Variants in SEC16A observed in about 807,000 individuals in gnomAD.
The protein encoded by SEC16A is SEC16 homolog A, endoplasmic reticulum export factor.
Under a neutral mutation model 221.9 loss-of-function variants are expected in SEC16A, and 110 were observed. The ratio of observed to expected loss-of-function variants is 0.50; its 90% CI spans 0.42 to 0.58. The LOEUF (loss-of-function observed/expected upper bound fraction) is 0.58, where lower values mean the gene tolerates loss of function less well. SEC16A is among the 20% of genes least tolerant of loss of function. The probability of loss-of-function intolerance (pLI) is 0.00; values close to 1 mark genes in which losing one functional copy is unlikely to be tolerated. For synonymous variants in SEC16A, 1,393 were observed against 1,257.7 expected, an observed-to-expected ratio of 1.11 and a Z score of -2.28; for missense variants, 3,165 against 3,097.8, an observed-to-expected ratio of 1.02 and a Z score of -0.52.
Position 136,472,056 on chromosome 9 carries a change from G to A in SEC16A, c.3623C>T (p.Ala1208Val). The A allele has an allele frequency of 6.2e-7, 1 of 1,613,548 alleles. No individual in the cohort carries two copies. Among genetic ancestry groups the A allele is most frequent in the East Asian group, 2.2e-5 (1 of 44,880 alleles). ...RYRPYDGAAS[A>V]YAQNYRYPEP... is the part of the protein sequence containing the mutation. ...GGGATAGCGGTAGTTCTGGGCGTAAGCAGACGCAGCACCATCATAGGGCCT... is the reference window on the plus strand; with the variant it reads ...GGGATAGCGGTAGTTCTGGGCGTAAACAGACGCAGCACCATCATAGGGCCT... The change falls in exon 4 of 32, where the codon GCT becomes GTT. Residue 1208 changes from alanine (A) to valine (V), a missense_variant. Physicochemically the swap from Ala to Val is moderately conservative, Grantham distance 64. This residue lies in a region of SEC16A where 2,030 missense variants were observed against 1,923.1 expected (regional missense o/e 1.06). Coordinates refer to ENST00000684901, the MANE Select transcript of SEC16A (RefSeq NM_014866.2).
chr9:136,478,354 G>A (rs1456125648), intron 2 of SEC16A, among the ~76,000 whole-genome samples: 2 of 141,836 alleles, frequency 1.4e-5, no homozygotes, highest in African/African-American at 5.3e-5. Context: ...CGTGAGCTAT[G>A]ACAGCACCAC....
chr9:136,480,537 G>C (rs1472238110), intron 1 of SEC16A, among the ~76,000 whole-genome samples: 1 of 152,164 alleles, frequency 6.6e-6, no homozygotes, highest in African/African-American at 2.4e-5. Flanking sequence ...AAAAAACCCG[G>C]GTTTAATCTT....
In SEC16A at chr9:136,447,675, T is replaced by A. The variant is rs752806806; in HGVS notation, c.6453A>T (p.Lys2151Asn). Reference sequence around the variant, plus strand: ...TCGAGGTTGGAGGTGGGGGCGGGGCTTTCTTCTGCAGAGGGAAACACAGCT... The same window carrying A: ...TCGAGGTTGGAGGTGGGGGCGGGGCATTCTTCTGCAGAGGGAAACACAGCT... ...VNLNEPEEEK[K>N]APPPPPTSMP... Residue 2151 changes from lysine to asparagine, a missense_variant, in exon 26 of 32, where the codon AAA becomes AAT. Transcript: ENST00000684901. This position sits in a 1 kb window ranked among gnomAD's most constrained non-coding sequence, Gnocchi z 5.5. 1.2e-6 allele frequency: 2 copies of A among 1,605,822 alleles called. No homozygotes were observed. The highest frequency in any genetic ancestry group is 4.5e-5 in the East Asian group (2 of 44,682).
intron 22 of SEC16A, among the ~76,000 whole-genome samples, chr9:136,452,185 A>G (rs1837908800): frequency 1.3e-5 from 2 of 152,134 alleles, no homozygotes; most frequent in African/African-American, 4.8e-5. Flanking sequence ...GGGGTGGCTC[A>G]TGCCTGTAAT....
chr9:136,477,436 C>G lies in SEC16A; in HGVS notation c.180G>C (p.Gln60His). 6.8e-6 allele frequency: 11 copies of G among 1,614,022 alleles called. No individual in the cohort carries two copies. The highest frequency in any genetic ancestry group is 8.5e-6 in the Non-Finnish European group (10 of 1,179,894). Residue 60 changes from glutamine to histidine, a missense_variant, in exon 3 of 32, where the codon CAG becomes CAC. By Grantham distance (24) the Gln-to-His change is conservative. Transcript: ENST00000684901. ...PVTDPFAFSRQALQSTPLGSS... is the reference protein window; with the variant it reads ...PVTDPFAFSRHALQSTPLGSS... ...TGCCCAGTGGTGTACTTTGGAGCGC[C>G]TGTCTACTAAAAGCAAATGGATCCG...
rs1488370825 is a variant in SEC16A at position 136,476,528 on chromosome 9, T to G, written c.1088A>C (p.Glu363Ala). 6 of 1,612,654 alleles carry G rather than the reference T, an allele frequency of 3.7e-6. No homozygotes were observed. Among genetic ancestry groups the G allele is most frequent in the South Asian group, 3.3e-5 (3 of 91,052 alleles). Reference protein sequence around the residue: ...AGAGSGCAPLEADSGASGALA... With the variant: ...AGAGSGCAPLAADSGASGALA... ...AGCTCCTGAAGCTCCTGAGTCTGCT[T>G]CTAGCGGGGCACAGCCAGACCCGGC... The change falls in exon 3 of 32, where the codon GAA becomes GCA. Residue 363 changes from glutamate (E) to alanine (A), a missense_variant. Glu to Ala is a moderately radical substitution (Grantham distance 107). Coordinates refer to ENST00000684901, the MANE Select transcript of SEC16A (RefSeq NM_014866.2).
At chr9:136,482,750 C>G (rs1013554079) in intron 1 of SEC16A, among the ~76,000 whole-genome samples, 188 bp downstream of exon 1, 31 of 152,194 alleles carry the variant, frequency 2.0e-4, no homozygotes, top group South Asian at 1.5e-3. Flanking sequence ...GCCTTCCGCT[C>G]TGGCCCGGGG....
chr9:136,465,585 C>T (rs549365587), intron 8 of SEC16A, among the ~76,000 whole-genome samples: 7 of 152,356 alleles, frequency 4.6e-5, no homozygotes, highest in South Asian at 4.1e-4. Flanking sequence ...CTGACTGACA[C>T]GCGGGACAAC....
intron 22 of SEC16A, 78 bp downstream of exon 22, chr9:136,453,350 C>T: frequency 1.9e-6 from 2 of 1,037,964 alleles, no homozygotes; most frequent in East Asian, 2.4e-5. Context: ...CATCATCTTA[C>T]AACTCAACAA....
chr9:136,484,584 C>A, upstream of SEC16A: 1 of 1,342,902 alleles, frequency 7.4e-7, no homozygotes, highest in East Asian at 4.6e-5. Flanking sequence ...GCTGAGCTCC[C>A]AGCAGCGGCT....
chr9:136,463,824 C>T, intron 9 of SEC16A, 84 bp from the exon 10 acceptor site: 2 of 1,464,042 alleles, frequency 1.4e-6, no homozygotes, highest in Admixed American at 3.4e-5. Context: ...ACGGATGCTG[C>T]CCGTGAGAGG....
At chr9:136,463,159 G>T in intron 11 of SEC16A, 27 bp from the exon 12 acceptor site, 6 of 1,603,662 alleles carry the variant, frequency 3.7e-6, no homozygotes, top group Non-Finnish European at 5.1e-6. Flanking sequence ...GAACAGGAAG[G>T]AGAACAACGG....
rs776607318 is a variant in SEC16A at position 136,466,139 on chromosome 9, T to C, written c.4129-3A>G. On this transcript the variant is annotated splice_region_variant and splice_polypyrimidine_tract_variant and intron_variant, in intron 7 of 31. Coordinates refer to ENST00000684901, the MANE Select transcript of SEC16A (RefSeq NM_014866.2). The surrounding 1 kb of genome is among the most constrained non-coding windows in gnomAD (Gnocchi z 5.5). The stretch of plus-strand genomic sequence containing the variant: ...TTGTGGCTTCTGTAAATCTGACTCT[T>C]AGAAAACAAAGCAAACGGGCAAAAT... 1 of 1,586,000 alleles carries C rather than the reference T, an allele frequency of 6.3e-7. No individual in the cohort carries two copies. Among genetic ancestry groups the C allele is most frequent in the Non-Finnish European group, 8.6e-7 (1 of 1,164,062 alleles).
chr9:136,445,512 C>A, intron 29 of SEC16A, 133 bp downstream of exon 29: 1 of 707,232 alleles, frequency 1.4e-6, no homozygotes. Context: ...AGGAACACCA[C>A]CTTCGAGGTG....
chr9:136,458,569 A>G (rs540059858), intron 17 of SEC16A, among the ~76,000 whole-genome samples: 1 of 151,406 alleles, frequency 6.6e-6, no homozygotes, highest in Admixed American at 6.6e-5. Context: ...CAGAGCTTGC[A>G]GTGAGCGGAG....
chr9:136,471,826 A>G lies in SEC16A; in HGVS notation c.3704+149T>C, dbSNP rs555908667. On this transcript the variant is annotated intron_variant, in intron 4 of 31. Transcript: ENST00000684901. ...AAAACACACCCTACAATTTGTCCAT[A>G]CCAAGAAAATGTCAACATATGTTAG... The G allele has an allele frequency of 8.6e-5, 83 of 962,852 alleles. No individual in the cohort carries two copies. The African/African-American group carries it at 1.2e-3, about 14-fold the overall frequency. 59.6% of individuals were successfully genotyped at this position (962,852 alleles called of 1,614,324 possible).
At chr9:136,445,398 G>A (rs1480711150) in intron 29 of SEC16A, among the ~76,000 whole-genome samples, 1 of 152,234 alleles carries the variant, frequency 6.6e-6, no homozygotes, top group East Asian at 1.9e-4. Flanking sequence ...TTCCCGTGCT[G>A]TTGAAGGGAG....
At chr9:136,472,150 C>G (rs1232646235) in intron 3 of SEC16A, 39 bp from the exon 4 acceptor site, 2 of 1,609,568 alleles carry the variant, frequency 1.2e-6, no homozygotes, top group East Asian at 4.5e-5. Context: ...AGACACCAAT[C>G]AAGAGCAAGC....
chr9:136,481,023 A>G (rs1421494478), intron 1 of SEC16A, among the ~76,000 whole-genome samples: 1 of 152,166 alleles, frequency 6.6e-6, no homozygotes, highest in East Asian at 1.9e-4. Flanking sequence ...TTCATTTGGA[A>G]CAATCTTGTG....
Sources: allele counts gnomAD v4.1 joint callset (sites outside exome capture counted in the v4.1 genomes callset), GRCh38; gene constraint gnomAD v4.1.1; regional missense constraint gnomAD v4.1.1; non-coding constraint Gnocchi (gnomAD v3.1); transcripts MANE v1.5; gene names NCBI Gene and HGNC (gene_info 2026-07-23, HGNC 2026-07-21).